The following LUZP2 variants were observed in gnomAD, a reference collection of about 807,000 sequenced individuals.
LUZP2 encodes the protein leucine zipper protein 2.
Under a neutral mutation model 51.6 loss-of-function variants are expected in LUZP2, and 52 were observed. The ratio of observed to expected loss-of-function variants is 1.01; its 90% CI spans 0.81 to 1.27. The LOEUF is 1.27. LUZP2 is among the 50% of genes most tolerant of loss of function. The pLI is 0.00. For synonymous variants in LUZP2, 154 were observed against 137.3 expected (o/e 1.12, Z -0.85); for missense variants, 436 against 395.4 (o/e 1.10, Z -0.87).
At chr11:24,956,339 C>T (rs2133870599) in intron 7 of LUZP2, among the ~76,000 whole-genome samples, 1 of 152,124 alleles carries the variant, frequency 6.6e-6, no homozygotes, top group South Asian at 2.1e-4. Flanking sequence ...ACCAGGATTG[C>T]TGACACCTTG....
chr11:24,788,494 C>A (rs1474698371), intron 5 of LUZP2, among the ~76,000 whole-genome samples: 1 of 151,950 alleles, frequency 6.6e-6, no homozygotes, highest in Non-Finnish European at 1.5e-5. Flanking sequence ...AGCCCAGATG[C>A]CTATTTCATA....
intron 1 of LUZP2, among the ~76,000 whole-genome samples, chr11:24,563,609 A>G (rs985137911): frequency 6.6e-6 from 1 of 151,958 alleles, no homozygotes; most frequent in Non-Finnish European, 1.5e-5. Context: ...TATCCTTTTG[A>G]TTGTCGGCAC....
At chr11:24,900,326 T>TTCCAAC (rs1192500708) in intron 5 of LUZP2, among the ~76,000 whole-genome samples, 1 of 152,192 alleles carries the variant, frequency 6.6e-6, no homozygotes, top group East Asian at 1.9e-4. Flanking sequence ...TCTTAGTGGT[T>TTCCAAC]AAGTCTTTCC....
At chr11:24,686,108 G>A (rs1292030656) in intron 1 of LUZP2, among the ~76,000 whole-genome samples, 1 of 151,882 alleles carries the variant, frequency 6.6e-6, no homozygotes, top group Non-Finnish European at 1.5e-5. Flanking sequence ...ACTGAGATGG[G>A]GAAATTCTAT....
rs11500134 is a variant in LUZP2 at position 24,742,020 on chromosome 11, A to G, written c.333+3718A>G. ...GTATATATTATATATAAATATAATT[A>G]TATATTTTATATATAAATACATAAA... On this transcript the variant is annotated intron_variant, in intron 4 of 11. Coordinates refer to ENST00000336930, the MANE Select transcript of LUZP2 (RefSeq NM_001009909.4). Among the ~76,000 whole-genome samples the G allele has an allele frequency of 7.5e-5, 10 of 133,704 alleles. No homozygotes were observed. In the East Asian group the frequency reaches 1.8e-3, roughly 24 times the overall value. 87.7% of individuals were successfully genotyped at this position (133,704 alleles called of 152,430 possible). A position where few individuals can be genotyped will look rare whatever the true frequency, so the allele number is the denominator to read the frequency against.
chr11:24,946,274 G>T (rs948566877), intron 7 of LUZP2, among the ~76,000 whole-genome samples: 3 of 151,780 alleles, frequency 2.0e-5, no homozygotes, highest in Non-Finnish European at 4.4e-5. Context: ...AATATATTTG[G>T]TTTTTGTTTT....
At chr11:24,783,787 A>G (rs989528956) in intron 5 of LUZP2, among the ~76,000 whole-genome samples, 7 of 151,982 alleles carry the variant, frequency 4.6e-5, no homozygotes, top group Non-Finnish European at 8.8e-5. Flanking sequence ...GGGAAGGAGT[A>G]CTTATTTGTT....
chr11:24,729,250 A>C lies in LUZP2; in HGVS notation c.144A>C (p.Thr48=), dbSNP rs767738861. 1.9e-6 allele frequency: 3 copies of C among 1,568,062 alleles called. No homozygotes were observed. Among genetic ancestry groups the C allele is most frequent in the Non-Finnish European group, 2.6e-6 (3 of 1,149,998 alleles). The part of the protein sequence containing the change: ...RSTILRQLTK[T]SRELDGIKVN... ...CCATTCTTCGTCAGCTGACAAAGAC[A>C]TCAAGAGAACTTGATGGAATTAAAG... is the stretch of plus-strand genomic sequence containing the variant. The change falls in exon 2 of 12, where the codon ACA becomes ACC. Residue 48 remains threonine, a synonymous_variant. Coordinates refer to ENST00000336930, the MANE Select transcript of LUZP2 (RefSeq NM_001009909.4).
intron 5 of LUZP2, among the ~76,000 whole-genome samples, chr11:24,789,386 T>C (rs1414023272): frequency 1.3e-5 from 2 of 152,200 alleles, no homozygotes; most frequent in East Asian, 1.9e-4. Context: ...CCTTCATTAC[T>C]TAAGTAATCC....
At chr11:24,687,117 A>T (rs963078220) in intron 1 of LUZP2, among the ~76,000 whole-genome samples, 2 of 152,164 alleles carry the variant, frequency 1.3e-5, no homozygotes, top group African/African-American at 4.8e-5. Flanking sequence ...TTTAAACAAA[A>T]ATCTTTATGT....
At chr11:25,063,339 G>C (rs1314540502) in intron 10 of LUZP2, among the ~76,000 whole-genome samples, 1 of 151,562 alleles carries the variant, frequency 6.6e-6, no homozygotes, top group Non-Finnish European at 1.5e-5. Flanking sequence ...GAAATCTCCA[G>C]CTGATATTGA....
intron 9 of LUZP2, among the ~76,000 whole-genome samples, chr11:25,028,692 T>G (rs1857566659): frequency 9.2e-6 from 1 of 109,078 alleles, no homozygotes; most frequent in South Asian, 2.7e-4. Context: ...ATTTGCATGT[T>G]TTTTTTTTTT....
intron 1 of LUZP2, among the ~76,000 whole-genome samples, chr11:24,569,600 C>T (rs903888865): frequency 2.6e-5 from 4 of 151,936 alleles, no homozygotes; most frequent in Admixed American, 2.0e-4. Flanking sequence ...TGCAAAATAG[C>T]ATATTATATA....
chr11:24,711,585 A>G (rs1857830406), intron 1 of LUZP2, among the ~76,000 whole-genome samples: 1 of 152,188 alleles, frequency 6.6e-6, no homozygotes, highest in South Asian at 2.1e-4. Flanking sequence ...GTCTCGCTCA[A>G]CGTATCTCTT....
chr11:24,699,622 A>G (rs1475220147), intron 1 of LUZP2, among the ~76,000 whole-genome samples: 4 of 151,708 alleles, frequency 2.6e-5, no homozygotes, highest in South Asian at 2.1e-4. Flanking sequence ...AGATGGATAT[A>G]TAGATATGGA....
intron 1 of LUZP2, among the ~76,000 whole-genome samples, chr11:24,576,794 A>T (rs1852667996): frequency 6.6e-6 from 1 of 152,158 alleles, no homozygotes; most frequent in Non-Finnish European, 1.5e-5. Context: ...CAAAGGAAAA[A>T]GTGGTAAATG....
intron 1 of LUZP2, among the ~76,000 whole-genome samples, chr11:24,502,544 C>T (rs114352619): frequency 0.065 from 9,807 of 151,498 alleles, 339 homozygotes; most frequent in Middle Eastern, 0.11. Flanking sequence ...CCACCATGCC[C>T]GGCTGATTTT....
At chr11:24,960,857 CT>C (rs1855373012) in intron 7 of LUZP2, among the ~76,000 whole-genome samples, 1 of 152,194 alleles carries the variant, frequency 6.6e-6, no homozygotes, top group African/African-American at 2.4e-5. Flanking sequence ...AGTTTTGGAT[CT>C]TTCCTGCTTT....
At chr11:24,907,391 C>CATGAATAGAA (rs1853492255) in intron 6 of LUZP2, among the ~76,000 whole-genome samples, 1 of 150,500 alleles carries the variant, frequency 6.6e-6, no homozygotes, top group Non-Finnish European at 1.5e-5. Context: ...TTATATATGG[C>CATGAATAGAA]ATGAATAGAA....
Sources: gnomAD v4.1 joint callset for allele counts (sites outside exome capture counted in the v4.1 genomes callset) on GRCh38, gnomAD v4.1.1 for gene constraint, MANE v1.5 for transcripts, NCBI Gene and HGNC (gene_info 2026-07-23, HGNC 2026-07-21) for gene names.